Variants in ITGAM observed in about 807,000 individuals in gnomAD.
ITGAM encodes integrin alpha-M.
Under a neutral mutation model 137.5 loss-of-function variants are expected in ITGAM, and 79 were observed. That is an observed-to-expected ratio of 0.57 (90% CI 0.48 to 0.69). ITGAM has a LOEUF of 0.69. Among genes scored for constraint, ITGAM ranks in the 30% least tolerant of loss-of-function variants. The pLI is 0.00. For missense variants in ITGAM, 1,343 were observed against 1,483.5 expected, an observed-to-expected ratio of 0.91 and a Z score of 1.56; for synonymous variants, 583 against 592.3, an observed-to-expected ratio of 0.98 and a Z score of 0.23.
In ITGAM at chr16:31,297,616, C is replaced by T. The variant is rs368391866; in HGVS notation, c.1459C>T (p.Arg487Ter). The change falls in exon 13 of 30, where the codon CGA becomes TGA. Residue 487 changes from arginine to a stop codon, truncating the protein, a stop_gained. Coordinates refer to ENST00000544665, the MANE Select transcript of ITGAM (RefSeq NM_000632.4). LOFTEE classifies it high-confidence loss of function. ...IGAPHYYEQT[R>*]GGQVSVCPLP... The stretch of plus-strand genomic sequence containing the variant: ...GGCCCCCCATTACTACGAGCAGACC[C>T]GAGGGGGCCAGGTGTCCGTGTGCCC... 3.5e-4 allele frequency: 562 copies of T among 1,613,170 alleles called. No homozygotes were observed. Among genetic ancestry groups the T allele is most frequent in the Non-Finnish European group, 4.6e-4 (544 of 1,179,926 alleles).
At chr16:31,314,891 G>A (rs556923914) in intron 14 of ITGAM, among the ~76,000 whole-genome samples, 11 of 146,974 alleles carry the variant, frequency 7.5e-5, no homozygotes, top group Admixed American at 2.1e-4. Context: ...AGCGTGAACT[G>A]CAACCTCTGC....
intron 7 of ITGAM, among the ~76,000 whole-genome samples, chr16:31,273,080 C>G (rs1675356134): frequency 6.6e-6 from 1 of 152,042 alleles, no homozygotes; most frequent in African/African-American, 2.4e-5. Context: ...GGGAGGATCA[C>G]TTGAGGCCAG....
chr16:31,303,187 C>G (rs1156565904), intron 14 of ITGAM, among the ~76,000 whole-genome samples: 3 of 151,580 alleles, frequency 2.0e-5, no homozygotes, highest in African/African-American at 7.3e-5. Flanking sequence ...TGTGCACCCC[C>G]ACGCTTGGCT....
At chr16:31,330,031 G>GT in intron 25 of ITGAM, 50 bp from the exon 26 acceptor site, 1 of 1,577,542 alleles carries the variant, frequency 6.3e-7, no homozygotes, top group Non-Finnish European at 8.7e-7. Flanking sequence ...CCCGAGATGA[G>GT]GCCCTGGCGC....
chr16:31,261,843 A>G lies in ITGAM; in HGVS notation c.134+46A>G, dbSNP rs865966921. 4.1e-6 allele frequency: 5 copies of G among 1,209,902 alleles called. No individual in the cohort carries two copies. The Middle Eastern group carries it at 9.4e-4, about 228-fold the overall frequency. The allele number at this position is 1,209,902 out of a possible 1,614,324, so 74.9% of individuals were successfully genotyped here. On this transcript the variant is annotated intron_variant, in intron 2 of 29. Transcript: ENST00000544665. ...CCCCTTTCTCAGTGCTTTCTCTCCA[A>G]GACTTACATACCTGAAAAAAATCAG...
intron 21 of ITGAM, among the ~76,000 whole-genome samples, chr16:31,326,512 G>A (rs1336281913): frequency 6.6e-6 from 1 of 152,132 alleles, no homozygotes; most frequent in Non-Finnish European, 1.5e-5. Context: ...TGCCTCCCAG[G>A]TTTAAGCAAT....
At position 31,277,951 on chromosome 16, in the gene ITGAM, A is replaced by C; in HGVS notation, c.1214-16A>C. The C allele has an allele frequency of 1.9e-6, 3 of 1,577,984 alleles. No homozygotes were observed. The highest frequency in any genetic ancestry group is 1.7e-6 in the Non-Finnish European group (2 of 1,161,400). Reference sequence around the variant, plus strand: ...GGGCAGGGAATGCACTTCACCTCTCAGACCCCCACCTTCAGGTTATGCTGC... The same window carrying C: ...GGGCAGGGAATGCACTTCACCTCTCCGACCCCCACCTTCAGGTTATGCTGC... On this transcript the variant is annotated splice_polypyrimidine_tract_variant and intron_variant, in intron 11 of 29. Coordinates refer to ENST00000544665, the MANE Select transcript of ITGAM (RefSeq NM_000632.4).
intron 12 of ITGAM, among the ~76,000 whole-genome samples, chr16:31,288,467 A>G (rs2144351955): frequency 6.6e-6 from 1 of 152,326 alleles, no homozygotes; most frequent in Non-Finnish European, 1.5e-5. Context: ...GTCTACAACC[A>G]TCTGATCTTT....
chr16:31,328,670 T>G (rs1567282526), intron 23 of ITGAM, among the ~76,000 whole-genome samples: 1 of 148,120 alleles, frequency 6.8e-6, no homozygotes, highest in African/African-American at 2.5e-5. Flanking sequence ...TATATGTGCA[T>G]TGTGTGCATG....
chr16:31,280,086 A>G (rs968833656), intron 12 of ITGAM, among the ~76,000 whole-genome samples: 1 of 152,046 alleles, frequency 6.6e-6, no homozygotes, highest in Non-Finnish European at 1.5e-5. Context: ...GTTCTGTTCC[A>G]TTGGTCTATA....
Position 31,265,704 on chromosome 16 carries a change from A to G in ITGAM, c.239-107A>G. On this transcript the variant is annotated intron_variant, in intron 3 of 29. Transcript: ENST00000544665. ...TTCCCAAGATTTAGGATCCCCCTTC[A>G]CCGTCAGACCTCCTTGTCTCCCGCA... 6.3e-6 allele frequency: 6 copies of G among 950,432 alleles called. 1 individual carries two copies. The highest frequency in any genetic ancestry group is 4.6e-5 in the South Asian group (3 of 64,646). 58.9% of individuals were successfully genotyped at this position (950,432 alleles called of 1,614,324 possible).
chr16:31,328,833 GGTGT>G (rs1377254782), intron 23 of ITGAM, among the ~76,000 whole-genome samples: 4 of 148,448 alleles, frequency 2.7e-5, no homozygotes, highest in East Asian at 4.0e-4. Flanking sequence ...TGTGCGCATG[GGTGT>G]GTATTTGTGC....
At chr16:31,262,058 G>A (rs1025485441) in intron 2 of ITGAM, among the ~76,000 whole-genome samples, 2 of 152,010 alleles carry the variant, frequency 1.3e-5, no homozygotes, top group Non-Finnish European at 2.9e-5. Flanking sequence ...GTTCCTTCGG[G>A]GAGACTCTGT....
chr16:31,331,510 T>TGCCCA, intron 29 of ITGAM, 126 bp from the exon 30 acceptor site: 2 of 600,846 alleles, frequency 3.3e-6, no homozygotes, highest in East Asian at 2.9e-5. Context: ...CGGATGTCAC[T>TGCCCA]CCCCTCCCGC....
intron 14 of ITGAM, among the ~76,000 whole-genome samples, chr16:31,312,390 GAC>G (rs1391677153): frequency 6.6e-6 from 1 of 152,068 alleles, no homozygotes; most frequent in Non-Finnish European, 1.5e-5. Flanking sequence ...TTTCAAAAAA[GAC>G]ACTAAAATGC....
intron 12 of ITGAM, among the ~76,000 whole-genome samples, chr16:31,281,875 C>G (rs1596991827): frequency 6.6e-6 from 1 of 152,204 alleles, no homozygotes; most frequent in African/African-American, 2.4e-5. Flanking sequence ...AAATTTCCCT[C>G]TACACACTGC....
chr16:31,318,234 C>G (rs1421785288), intron 14 of ITGAM, among the ~76,000 whole-genome samples: 3 of 151,866 alleles, frequency 2.0e-5, no homozygotes, highest in African/African-American at 7.3e-5. Context: ...CTTAATGATC[C>G]TTTTTATTGC....
Position 31,265,564 on chromosome 16 carries a change from A to G in ITGAM, c.238+66A>G. On this transcript the variant is annotated intron_variant, in intron 3 of 29. Transcript: ENST00000544665. ...GTGAACACATAGGGACTTTCCAGGC[A>G]CTCCTGTGTCCTGGGGATCTGTGGT... The G allele has an allele frequency of 3.7e-6, 4 of 1,083,726 alleles. No homozygotes were observed. The South Asian group carries it at 5.9e-5, about 16-fold the overall frequency. 67.1% of individuals were successfully genotyped at this position (1,083,726 alleles called of 1,614,324 possible).
chr16:31,328,900 ATG>A lies in ITGAM; in HGVS notation c.2793-318_2793-317del, dbSNP rs367876132. Reference sequence around the variant, plus strand: ...TGTGTGCATGAGTGTGTATTCGTGCATGTGTGTGTGTCTGAGGATCTATGTGC... The same window carrying A: ...TGTGTGCATGAGTGTGTATTCGTGCATGTGTGTGTCTGAGGATCTATGTGC... On this transcript the variant is annotated intron_variant, in intron 23 of 29. Coordinates refer to ENST00000544665, the MANE Select transcript of ITGAM (RefSeq NM_000632.4). 2,085 of 431,230 alleles carry A rather than the reference ATG, an allele frequency of 4.8e-3. 22 individuals carry two copies. Among genetic ancestry groups the A allele is most frequent in the African/African-American group, 0.013 (580 of 44,282 alleles). The allele number at this position is 431,230 out of a possible 1,614,324, so 26.7% of individuals were successfully genotyped here.
Sources: allele counts gnomAD v4.1 joint callset (sites outside exome capture counted in the v4.1 genomes callset), GRCh38; gene constraint gnomAD v4.1.1; transcripts MANE v1.5; gene names NCBI Gene and HGNC (gene_info 2026-07-23, HGNC 2026-07-21).